Variants in KIF26B observed in about 807,000 individuals in gnomAD.
The protein encoded by KIF26B is kinesin family member 26B.
A neutral mutation model predicts 151.2 loss-of-function variants in KIF26B; 63 were observed. The observed-to-expected ratio is 0.42, with a 90% CI of 0.34 to 0.51. The LOEUF is 0.51. KIF26B is among the 20% of genes least tolerant of loss of function. The pLI, the probability that KIF26B is intolerant of heterozygous loss-of-function variation, is 0.07. For missense variants in KIF26B, 2,813 were observed against 2,913.6 expected (o/e 0.97, Z 0.79); for synonymous variants, 1,357 against 1,262.1 (o/e 1.08, Z -1.59).
chr1:245,371,809 C>T (rs1673135570), intron 3 of KIF26B: 1 of 152,174 alleles, frequency 6.6e-6, no homozygotes, highest in African/African-American at 2.4e-5. Flanking sequence ...AAATAGGAAT[C>T]GATCCAGAGA....
chr1:245,647,271 A>C (rs943879624), intron 10 of KIF26B, among the ~76,000 whole-genome samples: 2 of 151,770 alleles, frequency 1.3e-5, no homozygotes, highest in Admixed American at 1.3e-4. Flanking sequence ...TAAAAATACA[A>C]AAAATTAGCT....
intron 4 of KIF26B, among the ~76,000 whole-genome samples, chr1:245,423,214 G>A (rs1424624917): frequency 2.6e-5 from 4 of 152,106 alleles, no homozygotes; most frequent in Admixed American, 6.5e-5. Flanking sequence ...TGTGGCTGAC[G>A]TATATTGAGC....
At chr1:245,326,578 C>T (rs1020314818) in intron 2 of KIF26B, among the ~76,000 whole-genome samples, 3 of 152,124 alleles carry the variant, frequency 2.0e-5, no homozygotes, top group South Asian at 4.2e-4. Flanking sequence ...CTGACTTCTA[C>T]GAAGAGCCCA....
intron 2 of KIF26B, among the ~76,000 whole-genome samples, chr1:245,299,985 C>T (rs1413873015): frequency 6.6e-6 from 1 of 152,182 alleles, no homozygotes; most frequent in Non-Finnish European, 1.5e-5. Flanking sequence ...ACTGGGTTCC[C>T]ATTGTTCCAG....
intron 5 of KIF26B, among the ~76,000 whole-genome samples, chr1:245,568,184 CAAAAAAAA>C (rs61494632): frequency 1.0e-4 from 3 of 28,700 alleles, no homozygotes; most frequent in African/African-American, 1.3e-4. Context: ...AACTCCATCT[CAAAAAAAA>C]AAAAAAAAAA....
intron 9 of KIF26B, among the ~76,000 whole-genome samples, chr1:245,638,311 C>T (rs1448335530): frequency 6.6e-6 from 1 of 151,750 alleles, no homozygotes; most frequent in South Asian, 2.1e-4. Context: ...AAATGTTACA[C>T]ATTTTGCGTG....
At chr1:245,543,342 C>A (rs1466300863) in intron 5 of KIF26B, among the ~76,000 whole-genome samples, 1 of 152,178 alleles carries the variant, frequency 6.6e-6, no homozygotes, top group Non-Finnish European at 1.5e-5. Context: ...AGATAAGGGG[C>A]CTTACAATGA....
intron 2 of KIF26B, among the ~76,000 whole-genome samples, chr1:245,217,410 G>A (rs1436132712): frequency 2.1e-5 from 3 of 142,064 alleles, no homozygotes; most frequent in Admixed American, 7.5e-5. Flanking sequence ...TGTTTCCCAC[G>A]CTGGAGTGCA....
chr1:245,493,346 A>C (rs528001202), intron 4 of KIF26B, among the ~76,000 whole-genome samples: 1 of 152,294 alleles, frequency 6.6e-6, no homozygotes, highest in South Asian at 2.1e-4. Flanking sequence ...TCAAATCCCT[A>C]ATTTGATTAA....
intron 10 of KIF26B, among the ~76,000 whole-genome samples, chr1:245,674,329 T>C (rs1346966374): frequency 3.3e-5 from 5 of 152,198 alleles, no homozygotes; most frequent in Admixed American, 3.3e-4. Flanking sequence ...TCAGACAATG[T>C]GAAACATGTC....
At position 245,234,109 on chromosome 1, in the gene KIF26B, A is replaced by G. The variant is rs12043898; in HGVS notation, c.465+77426A>G. ...TGAGGCAGGAGAATTGCTTGAACCT[A>G]GGAGGTGGAGGTTGCAGTGAGCCAA... On this transcript the variant is annotated intron_variant, in intron 2 of 14. Coordinates refer to ENST00000407071, the MANE Select transcript of KIF26B (RefSeq NM_018012.4). 4.7e-3 allele frequency among the ~76,000 whole-genome samples: 715 copies of G among 151,902 alleles called. 14 individuals are homozygous for G. In the East Asian group the frequency reaches 0.084, roughly 18 times the overall value.
intron 9 of KIF26B, among the ~76,000 whole-genome samples, chr1:245,624,341 T>C (rs995395011): frequency 1.1e-4 from 16 of 152,172 alleles, no homozygotes; most frequent in African/African-American, 3.9e-4. Context: ...TTTAACTTTT[T>C]AAGAAATTTC....
intron 5 of KIF26B, among the ~76,000 whole-genome samples, chr1:245,562,047 G>C (rs942253896): frequency 6.6e-6 from 1 of 152,072 alleles, no homozygotes; most frequent in African/African-American, 2.4e-5. Context: ...TGACCTGGGG[G>C]GCATCTTCAG....
chr1:245,469,125 T>A (rs1201541987), intron 4 of KIF26B, among the ~76,000 whole-genome samples: 1 of 152,250 alleles, frequency 6.6e-6, no homozygotes, highest in Non-Finnish European at 1.5e-5. Context: ...TGACCTCCCT[T>A]GTTCCCTACC....
chr1:245,668,161 G>A (rs1234631504), intron 10 of KIF26B, among the ~76,000 whole-genome samples: 1 of 152,174 alleles, frequency 6.6e-6, no homozygotes, highest in East Asian at 1.9e-4. Flanking sequence ...CTCCCAAAGT[G>A]CTGGGTTTAC....
At chr1:245,226,383 A>T (rs1266621300) in intron 2 of KIF26B, among the ~76,000 whole-genome samples, 1 of 152,028 alleles carries the variant, frequency 6.6e-6, no homozygotes, top group South Asian at 2.1e-4. Flanking sequence ...CCATCAAGGC[A>T]TGAGGTTTCT....
intron 2 of KIF26B, among the ~76,000 whole-genome samples, chr1:245,308,724 T>A (rs1573766466): frequency 6.6e-6 from 1 of 151,966 alleles, no homozygotes; most frequent in East Asian, 1.9e-4. Context: ...GGCAACAGAA[T>A]AAGACCCTGT....
intron 4 of KIF26B, among the ~76,000 whole-genome samples, chr1:245,454,857 CT>C (rs1659478201): frequency 2.0e-5 from 3 of 152,164 alleles, no homozygotes; most frequent in Admixed American, 2.0e-4. Flanking sequence ...TCAGGCTGAG[CT>C]TTGTCTCCCA....
At chr1:245,282,434 G>A (rs1050567906) in intron 2 of KIF26B, among the ~76,000 whole-genome samples, 5 of 152,162 alleles carry the variant, frequency 3.3e-5, no homozygotes, top group South Asian at 2.1e-4. Flanking sequence ...AATGGAAGCC[G>A]TTAGAAACTG....
Sources: allele counts gnomAD v4.1 joint callset (sites outside exome capture counted in the v4.1 genomes callset), GRCh38; gene constraint gnomAD v4.1.1; transcripts MANE v1.5; gene names NCBI Gene and HGNC (gene_info 2026-07-23, HGNC 2026-07-21).